LINC00305: variants seen among roughly 807,000 people sequenced by gnomAD.
LINC00305 encodes the protein long intergenic non-protein coding RNA 305.
chr18:64,116,248 T>C (rs892164258), intron 1 of LINC00305, among the ~76,000 whole-genome samples: 2 of 152,220 alleles, frequency 1.3e-5, no homozygotes, highest in Non-Finnish European at 2.9e-5. Flanking sequence ...GTTTACAACA[T>C]ACAGAATTAA....
intron 1 of LINC00305, among the ~76,000 whole-genome samples, chr18:64,142,106 C>T (rs1004150010): frequency 6.6e-6 from 1 of 152,146 alleles, no homozygotes; most frequent in African/African-American, 2.4e-5. Context: ...TGTCTATGTG[C>T]ACTGGTGAGT....
intron 1 of LINC00305, among the ~76,000 whole-genome samples, chr18:64,101,722 A>G (rs934480989): frequency 6.6e-6 from 1 of 152,176 alleles, no homozygotes; most frequent in African/African-American, 2.4e-5. Flanking sequence ...TTTGGGGAAC[A>G]CTGTTTAACT....
chr18:64,121,593 T>C (rs771041965), intron 1 of LINC00305, among the ~76,000 whole-genome samples: 1 of 152,174 alleles, frequency 6.6e-6, no homozygotes, highest in Non-Finnish European at 1.5e-5. Context: ...CAGTCATTTG[T>C]TGATAAACAC....
intron 1 of LINC00305, among the ~76,000 whole-genome samples, chr18:64,129,028 A>G (rs1397644728): frequency 2.6e-5 from 4 of 152,150 alleles, no homozygotes; most frequent in Non-Finnish European, 5.9e-5. Flanking sequence ...TCAGTGGAAG[A>G]TATTGTCTAT....
At chr18:64,135,760 A>G (rs2051430417) in intron 1 of LINC00305, among the ~76,000 whole-genome samples, 1 of 151,704 alleles carries the variant, frequency 6.6e-6, no homozygotes, top group Non-Finnish European at 1.5e-5. Flanking sequence ...AATTTTTTAT[A>G]TTTTTAGTAG....
intron 1 of LINC00305, among the ~76,000 whole-genome samples, chr18:64,106,615 A>T (rs1324306837): frequency 2.0e-5 from 3 of 152,100 alleles, no homozygotes; most frequent in Admixed American, 2.0e-4. Flanking sequence ...CTAATTTGTC[A>T]TTTGAATCAA....
chr18:64,082,839 T>G (rs929860802), intron 3 of LINC00305, among the ~76,000 whole-genome samples: 3 of 152,184 alleles, frequency 2.0e-5, no homozygotes, highest in Non-Finnish European at 2.9e-5. Flanking sequence ...ACCTGTTCAT[T>G]CTATAGACTT....
chr18:64,140,645 C>G (rs1394347233), intron 1 of LINC00305, among the ~76,000 whole-genome samples: 3 of 152,168 alleles, frequency 2.0e-5, no homozygotes, highest in Admixed American at 6.6e-5. Context: ...CTGTTTAGAG[C>G]AGAGCCTGAG....
chr18:64,122,684 G>A (rs768866035), intron 1 of LINC00305, among the ~76,000 whole-genome samples: 25 of 151,880 alleles, frequency 1.6e-4, no homozygotes, highest in Middle Eastern at 3.2e-3. Context: ...TTCGTGTTCC[G>A]TATGAATATT....
chr18:64,119,721 T>A lies in LINC00305; in HGVS notation n.315-21081A>T, dbSNP rs138855517. ...TGTGTTTTCCCAAAGACCTCTATGG[T>A]CTCCTCTTGCAGTGGTGAGATGGGT... On this transcript the variant is annotated intron_variant and non_coding_transcript_variant, in intron 1 of 3. Coordinates refer to ENST00000666468, the Ensembl canonical transcript of LINC00305. 1.6e-3 allele frequency among the ~76,000 whole-genome samples: 237 copies of A among 152,230 alleles called. 1 individual carries two copies. The highest frequency in any genetic ancestry group is 5.3e-3 in the African/African-American group (222 of 41,552).
intron 1 of LINC00305, among the ~76,000 whole-genome samples, chr18:64,121,317 C>T (rs2144259124): frequency 6.6e-6 from 1 of 151,936 alleles, no homozygotes. Flanking sequence ...ACGCTGTACC[C>T]CAAAACCTCC....
intron 1 of LINC00305, among the ~76,000 whole-genome samples, chr18:64,115,303 T>G (rs1237596153): frequency 6.6e-6 from 1 of 152,140 alleles, no homozygotes; most frequent in African/African-American, 2.4e-5. Context: ...AGCCTTCCAT[T>G]AGGGCATGAA....
At chr18:64,144,477 A>C (rs1191685299) in intron 1 of LINC00305, among the ~76,000 whole-genome samples, 1 of 152,192 alleles carries the variant, frequency 6.6e-6, no homozygotes, top group South Asian at 2.1e-4. Flanking sequence ...GACCTGTATC[A>C]GACATGTAAT....
chr18:64,123,264 A>G lies in LINC00305; in HGVS notation n.315-24624T>C, dbSNP rs576484777. ...TACCTCTTCTTGGTCTTCCTAAGCA[A>G]CTTCCCTAGTTTATCTCTTCTCTTT... On this transcript the variant is annotated intron_variant and non_coding_transcript_variant, in intron 1 of 3. Coordinates refer to ENST00000666468, the Ensembl canonical transcript of LINC00305. Among the ~76,000 whole-genome samples the G allele has an allele frequency of 3.0e-4, 45 of 152,190 alleles. 2 individuals are homozygous for G. The South Asian group carries it at 6.8e-3, about 23-fold the overall frequency.
chr18:64,111,276 A>C (rs1164413836), intron 1 of LINC00305, among the ~76,000 whole-genome samples: 1 of 152,172 alleles, frequency 6.6e-6, no homozygotes, highest in Non-Finnish European at 1.5e-5. Context: ...ACCAGCTGTC[A>C]GTGTGAGATA....
chr18:64,138,987 C>T (rs960775973), intron 1 of LINC00305, among the ~76,000 whole-genome samples: 5 of 152,244 alleles, frequency 3.3e-5, no homozygotes, highest in Admixed American at 2.6e-4. Context: ...CTGTCAGCTC[C>T]CCAGTAAAAA....
intron 1 of LINC00305, among the ~76,000 whole-genome samples, chr18:64,140,595 T>G (rs2051457598): frequency 6.6e-6 from 1 of 152,198 alleles, no homozygotes; most frequent in Non-Finnish European, 1.5e-5. Flanking sequence ...TGAACGCTCC[T>G]TGAGGACAAG....
chr18:64,093,983 A>G (rs2051235132), intron 3 of LINC00305, among the ~76,000 whole-genome samples: 3 of 152,216 alleles, frequency 2.0e-5, no homozygotes, highest in Non-Finnish European at 4.4e-5. Context: ...GTTGCGAAAA[A>G]AAGGGAAATA....
At chr18:64,129,395 T>TA (rs1283798339) in intron 1 of LINC00305, among the ~76,000 whole-genome samples, 2 of 152,098 alleles carry the variant, frequency 1.3e-5, no homozygotes. Flanking sequence ...GATAGGTTTT[T>TA]AAAAAATCAT....
Sources: allele counts gnomAD v4.1 joint callset (sites outside exome capture counted in the v4.1 genomes callset), GRCh38; gene constraint gnomAD v4.1.1; transcripts MANE v1.5; gene names NCBI Gene and HGNC (gene_info 2026-07-23, HGNC 2026-07-21).